Variants in CDK19 observed in about 807,000 individuals in gnomAD.
CDK19 encodes cyclin-dependent kinase 19.
A neutral mutation model predicts 68.3 loss-of-function variants in CDK19; 20 were observed. The ratio of observed to expected loss-of-function variants is 0.29; its 90% CI spans 0.21 to 0.43. The LOEUF is 0.43. CDK19 is among the 20% of genes least tolerant of loss of function. CDK19 has a pLI of 1.00. For synonymous variants in CDK19, 221 were observed against 222.8 expected, an observed-to-expected ratio of 0.99 and a Z score of 0.07; for missense variants, 339 against 623.5, an observed-to-expected ratio of 0.54 and a Z score of 4.86.
intron 1 of CDK19, among the ~76,000 whole-genome samples, chr6:110,759,655 A>C (rs1185644560): frequency 6.6e-6 from 1 of 151,620 alleles, no homozygotes; most frequent in Non-Finnish European, 1.5e-5. Flanking sequence ...TAAAATATTA[A>C]CACTGGAGAT....
intron 10 of CDK19, 77 bp downstream of exon 10, chr6:110,622,738 A>C (rs1778794923): frequency 1.1e-6 from 1 of 895,842 alleles, no homozygotes. Flanking sequence ...TTCAGTAGCA[A>C]GTGCTTCCCT....
chr6:110,792,553 G>A (rs908205603), intron 1 of CDK19, among the ~76,000 whole-genome samples: 10 of 152,232 alleles, frequency 6.6e-5, no homozygotes, highest in Non-Finnish European at 1.3e-4. Context: ...GATTACAGAC[G>A]CGTGCCACCA....
At chr6:110,737,229 AC>A (rs1777310047) in intron 2 of CDK19, among the ~76,000 whole-genome samples, 1 of 152,202 alleles carries the variant, frequency 6.6e-6, no homozygotes, top group South Asian at 2.1e-4. Context: ...ACCATAACAC[AC>A]ACACAAATAC....
At chr6:110,726,601 G>C (rs1022462506) in intron 2 of CDK19, among the ~76,000 whole-genome samples, 1 of 152,138 alleles carries the variant, frequency 6.6e-6, no homozygotes, top group Non-Finnish European at 1.5e-5. Flanking sequence ...TTTTGAACTA[G>C]TGGTTTGGAC....
intron 4 of CDK19, chr6:110,643,145 C>T (rs1015417955): frequency 2.4e-6 from 3 of 1,259,114 alleles, no homozygotes; most frequent in African/African-American, 3.1e-5. Context: ...AACCTAGATG[C>T]TACCAGTAGA....
rs200402242 is a variant in CDK19 at position 110,731,099 on chromosome 6, A to AG, written c.204+15026dup. 1.4e-3 allele frequency among the ~76,000 whole-genome samples: 212 copies of AG among 148,498 alleles called. 1 individual carries two copies. Among genetic ancestry groups the AG allele is most frequent in the African/African-American group, 5.1e-3 (204 of 40,282 alleles). On this transcript the variant is annotated intron_variant, in intron 2 of 12. Coordinates refer to ENST00000368911, the MANE Select transcript of CDK19 (RefSeq NM_015076.5). ...AAAGAGAAAGAAAAGGAAGGAAGAA[A>AG]GAAAAGAAAAGAAAGGAAAAGAAAA...
chr6:110,800,136 A>C (rs1283312417), intron 1 of CDK19, among the ~76,000 whole-genome samples: 1 of 152,230 alleles, frequency 6.6e-6, no homozygotes, highest in East Asian at 1.9e-4. Flanking sequence ...AAATACTACA[A>C]ACATTATTAC....
At chr6:110,701,082 T>C (rs1189039486) in intron 2 of CDK19, among the ~76,000 whole-genome samples, 3 of 152,028 alleles carry the variant, frequency 2.0e-5, no homozygotes, top group African/African-American at 7.2e-5. Flanking sequence ...CAGGCGCCTG[T>C]AGTCCCAGCT....
At chr6:110,713,861 T>G (rs1330971794) in intron 2 of CDK19, among the ~76,000 whole-genome samples, 2 of 152,102 alleles carry the variant, frequency 1.3e-5, no homozygotes, top group Non-Finnish European at 2.9e-5. Flanking sequence ...TACAAAAAAT[T>G]TTAAAATGTT....
chr6:110,775,118 G>A (rs371648708), intron 1 of CDK19, among the ~76,000 whole-genome samples: 8 of 151,190 alleles, frequency 5.3e-5, no homozygotes, highest in East Asian at 2.0e-4. Flanking sequence ...GGTGGCATGC[G>A]CCTGTAGTCC....
chr6:110,801,479 T>C (rs1782341405), intron 1 of CDK19, among the ~76,000 whole-genome samples: 1 of 152,056 alleles, frequency 6.6e-6, no homozygotes, highest in Non-Finnish European at 1.5e-5. Context: ...AGCAAAACTC[T>C]GTCTCAAAAA....
At chr6:110,782,862 T>C (rs1780920346) in intron 1 of CDK19, among the ~76,000 whole-genome samples, 1 of 152,180 alleles carries the variant, frequency 6.6e-6, no homozygotes, top group Admixed American at 6.5e-5. Context: ...ACATCCTGAA[T>C]GACTTGCTGT....
At chr6:110,694,074 G>GA (rs778030187) in intron 2 of CDK19, among the ~76,000 whole-genome samples, 21,954 of 102,692 alleles carry the variant, frequency 0.21, 1,911 homozygotes, top group South Asian at 0.39. Context: ...ATAACACAAT[G>GA]AAAAAAAAAA....
chr6:110,682,091 C>T (rs1008967406), intron 2 of CDK19, among the ~76,000 whole-genome samples: 2 of 152,134 alleles, frequency 1.3e-5, no homozygotes, highest in African/African-American at 4.8e-5. Context: ...GTCTATGATG[C>T]CCTCATGGGT....
At chr6:110,809,678 A>G (rs1782933525) in intron 1 of CDK19, among the ~76,000 whole-genome samples, 1 of 149,890 alleles carries the variant, frequency 6.7e-6, no homozygotes, top group African/African-American at 2.6e-5. Flanking sequence ...TTTTTTAAGA[A>G]AAGTAAATAA....
Position 110,712,612 on chromosome 6 carries a change from T to C in CDK19, c.204+33514A>G, listed in dbSNP as rs1177117826. Among the ~76,000 whole-genome samples the C allele has an allele frequency of 2.0e-5, 3 of 152,220 alleles. 1 individual carries two copies. The highest frequency in any genetic ancestry group is 4.1e-4 in the South Asian group (2 of 4,836). On this transcript the variant is annotated intron_variant, in intron 2 of 12. Coordinates refer to ENST00000368911, the MANE Select transcript of CDK19 (RefSeq NM_015076.5). ...CACTTCACTCTTGTCTTTGGGGTTC[T>C]TGCCGCCCAGGTTTCCTTGCTAAGG...
chr6:110,705,580 G>C (rs1774399847), intron 2 of CDK19, among the ~76,000 whole-genome samples: 1 of 152,156 alleles, frequency 6.6e-6, no homozygotes, highest in Admixed American at 6.5e-5. Flanking sequence ...CTGAAAAAGA[G>C]CTATTTAAGG....
At chr6:110,786,183 C>T (rs1396634768) in intron 1 of CDK19, among the ~76,000 whole-genome samples, 2 of 152,156 alleles carry the variant, frequency 1.3e-5, no homozygotes, top group East Asian at 3.8e-4. Context: ...ATTTTGCCAG[C>T]TTGTCTAACA....
At chr6:110,760,160 C>T (rs1267238646) in intron 1 of CDK19, among the ~76,000 whole-genome samples, 1 of 151,998 alleles carries the variant, frequency 6.6e-6, no homozygotes, top group Non-Finnish European at 1.5e-5. Context: ...CTTTGGGAGG[C>T]CGAGGCAGGC....
Sources: allele counts gnomAD v4.1 joint callset (sites outside exome capture counted in the v4.1 genomes callset), GRCh38; gene constraint gnomAD v4.1.1; transcripts MANE v1.5; gene names NCBI Gene and HGNC (gene_info 2026-07-23, HGNC 2026-07-21).